DYSF: variants seen among roughly 807,000 people sequenced by gnomAD.
DYSF encodes the protein dysferlin, also known as dystrophy-associated fer-1-like 1.
Under a neutral mutation model 274.9 loss-of-function variants are expected in DYSF, and 212 were observed. That is an observed-to-expected ratio of 0.77 (90% CI 0.69 to 0.86). The LOEUF is 0.86. Ranked by LOEUF, DYSF falls within the 40% of genes least tolerant of loss-of-function variation. DYSF has a pLI of 0.00. For missense variants in DYSF, 2,666 were observed against 2,783.2 expected, an observed-to-expected ratio of 0.96 and a Z score of 0.95; for synonymous variants, 1,091 against 1,078.7, an observed-to-expected ratio of 1.01 and a Z score of -0.22.
chr2:71,563,431 C>A (rs1342153292), intron 23 of DYSF, among the ~76,000 whole-genome samples: 2 of 152,160 alleles, frequency 1.3e-5, no homozygotes, highest in African/African-American at 4.8e-5. Flanking sequence ...GGACCCTTAC[C>A]CAATCAGCCT....
chr2:71,684,242 T>C (rs1435217227), intron 55 of DYSF, among the ~76,000 whole-genome samples: 5 of 152,184 alleles, frequency 3.3e-5, no homozygotes, highest in African/African-American at 4.8e-5. Context: ...TAAGCTGAGA[T>C]ACAGGACTGT....
At chr2:71,676,632 CAAAA>C (rs932304959) in intron 52 of DYSF, among the ~76,000 whole-genome samples, 2 of 143,574 alleles carry the variant, frequency 1.4e-5, no homozygotes, top group Admixed American at 1.4e-4. Context: ...AAAAGAAAAA[CAAAA>C]AAAAAACCCT....
intron 48 of DYSF, among the ~76,000 whole-genome samples, 171 bp downstream of exon 48, chr2:71,667,686 C>T (rs533369182): frequency 6.6e-6 from 1 of 152,288 alleles, no homozygotes; most frequent in East Asian, 1.9e-4. Context: ...GGGAGGGGAT[C>T]TTTAGGTCCT....
At chr2:71,506,525 G>C (rs2152721655) in intron 4 of DYSF, among the ~76,000 whole-genome samples, 1 of 152,316 alleles carries the variant, frequency 6.6e-6, no homozygotes, top group East Asian at 1.9e-4. Context: ...TCAGGCGCGG[G>C]ACCCGTGACG....
chr2:71,471,683 CA>C (rs1211009713), intron 1 of DYSF, among the ~76,000 whole-genome samples: 3 of 151,956 alleles, frequency 2.0e-5, no homozygotes, highest in Non-Finnish European at 4.4e-5. Flanking sequence ...AAAAATAAAC[CA>C]GGGGGCCGGG....
chr2:71,471,188 C>T (rs2082010422), intron 1 of DYSF, among the ~76,000 whole-genome samples: 1 of 152,126 alleles, frequency 6.6e-6, no homozygotes, highest in Non-Finnish European at 1.5e-5. Flanking sequence ...AGCCCCAAAT[C>T]CTGCCACTTT....
At chr2:71,574,126 A>T in intron 29 of DYSF, 72 bp from the exon 30 acceptor site, 10 of 1,573,282 alleles carry the variant, frequency 6.4e-6, no homozygotes, top group Non-Finnish European at 8.7e-6. Context: ...CAGGAAGGCA[A>T]AGGTGGAGCC....
chr2:71,487,965 T>C (rs941355192), intron 3 of DYSF, among the ~76,000 whole-genome samples: 2 of 152,246 alleles, frequency 1.3e-5, no homozygotes, highest in African/African-American at 4.8e-5. Context: ...ATGGTAAAAT[T>C]GTTACAGAAC....
In DYSF at chr2:71,614,640, A is replaced by G. The variant is rs534936288; in HGVS notation, c.4464+1230A>G. ...GCCTGCTGTCTCTGTCAATGTTAGCATATTCCCCAGGCTAAGCTCAGGGGA... is the reference window on the plus strand; with the variant it reads ...GCCTGCTGTCTCTGTCAATGTTAGCGTATTCCCCAGGCTAAGCTCAGGGGA... On this transcript the variant is annotated intron_variant, in intron 40 of 55. Transcript: ENST00000410020. 2.4e-4 allele frequency among the ~76,000 whole-genome samples: 36 copies of G among 152,206 alleles called. 1 individual carries two copies. In the East Asian group the frequency reaches 6.8e-3, roughly 29 times the overall value.
At chr2:71,511,067 A>G (rs1399922743) in intron 4 of DYSF, among the ~76,000 whole-genome samples, 4 of 152,130 alleles carry the variant, frequency 2.6e-5, no homozygotes, top group Admixed American at 6.5e-5. Flanking sequence ...GCCCGGGAGC[A>G]GCCAGGCTGC....
intron 1 of DYSF, among the ~76,000 whole-genome samples, chr2:71,456,690 A>C (rs143340790): frequency 6.6e-6 from 1 of 152,236 alleles, no homozygotes; most frequent in East Asian, 1.9e-4. Context: ...TAGAGGGCAA[A>C]GATATTATCC....
intron 17 of DYSF, among the ~76,000 whole-genome samples, chr2:71,549,830 T>C (rs185482354): frequency 3.7e-4 from 56 of 152,270 alleles, no homozygotes; most frequent in Admixed American, 8.5e-4. Flanking sequence ...AAATAATTAG[T>C]AATGCTCCTG....
chr2:71,485,308 C>A (rs2083275751), intron 3 of DYSF, among the ~76,000 whole-genome samples: 1 of 152,172 alleles, frequency 6.6e-6, no homozygotes, highest in Admixed American at 6.5e-5. Flanking sequence ...GTAATCCCAG[C>A]ACTTTGGGAG....
chr2:71,669,583 C>T (rs772407643), intron 50 of DYSF, 22 bp from the exon 51 acceptor site: 1 of 1,614,150 alleles, frequency 6.2e-7, no homozygotes. Flanking sequence ...GAGAACTATT[C>T]TCTAAAAACA....
At chr2:71,560,973 G>T (rs184169720) in intron 22 of DYSF, among the ~76,000 whole-genome samples, 4 of 152,314 alleles carry the variant, frequency 2.6e-5, no homozygotes, top group Admixed American at 6.5e-5. Context: ...CATGGCCCTT[G>T]TGTGGGTACC....
Position 71,589,632 on chromosome 2 carries a change from G to C in DYSF, c.3442G>C (p.Val1148Leu), listed in dbSNP as rs148925399. ...TGACAAGAGTGAAGATTCCATGTCC[G>C]TCTCCACCTTGAGCTTCGGTGTGAA... ...MDDKSEDSMS[V>L]STLSFGVNRP... The change falls in exon 31 of 56, where the codon GTC (valine) becomes CTC (leucine). Residue 1148 changes from valine to leucine, a missense_variant. This residue lies in a region of DYSF where 1,460 missense variants were observed against 1,502.1 expected (regional missense o/e 0.97). Coordinates refer to ENST00000410020, the MANE Select transcript of DYSF (RefSeq NM_001130987.2). 3 of 1,613,932 alleles carry C rather than the reference G, an allele frequency of 1.9e-6. No individual in the cohort carries two copies. Among genetic ancestry groups the C allele is most frequent in the Non-Finnish European group, 2.5e-6 (3 of 1,179,998 alleles).
chr2:71,660,471 C>A, intron 44 of DYSF, 89 bp from the exon 45 acceptor site: 1 of 1,145,688 alleles, frequency 8.7e-7, no homozygotes, highest in Non-Finnish European at 1.3e-6. Flanking sequence ...TGGCTGCTCC[C>A]TCATCCCATC....
intron 43 of DYSF, 23 bp from the exon 44 acceptor site, chr2:71,658,855 A>G: frequency 1.2e-6 from 2 of 1,614,048 alleles, no homozygotes; most frequent in Non-Finnish European, 1.7e-6. Context: ...TAAAAATGAA[A>G]ATTAACCCTT....
At chr2:71,512,168 C>T (rs1192852895) in intron 5 of DYSF, among the ~76,000 whole-genome samples, 2 of 152,200 alleles carry the variant, frequency 1.3e-5, no homozygotes, top group South Asian at 2.1e-4. Context: ...GTGAGGGTGC[C>T]TCCAAGCCCC....
Sources: allele counts gnomAD v4.1 joint callset (sites outside exome capture counted in the v4.1 genomes callset), GRCh38; gene constraint gnomAD v4.1.1; regional missense constraint gnomAD v4.1.1; transcripts MANE v1.5; gene names NCBI Gene and HGNC (gene_info 2026-07-23, HGNC 2026-07-21).